FCF1: variants seen among roughly 807,000 people sequenced by gnomAD.
The protein encoded by FCF1 is FCF1 rRNA-processing protein.
A neutral mutation model predicts 32.5 loss-of-function variants in FCF1; 17 were observed. The observed-to-expected ratio is 0.52, with a 90% confidence interval of 0.36 to 0.78. FCF1 has a LOEUF of 0.78. FCF1 is among the 30% of genes least tolerant of loss of function. FCF1 has a pLI of 0.00. For synonymous variants in FCF1, 84 were observed against 78.4 expected, an observed-to-expected ratio of 1.07 and a Z score of -0.38; for missense variants, 201 against 241.1, an observed-to-expected ratio of 0.83 and a Z score of 1.10.
chr14:74,719,641 T>C (rs145503462), intron 4 of FCF1, among the ~76,000 whole-genome samples: 76 of 148,092 alleles, frequency 5.1e-4, no homozygotes, highest in African/African-American at 1.8e-3. Flanking sequence ...GGAGCATGTC[T>C]ATGGTCCCAG....
chr14:74,734,171 G>C lies in FCF1; in HGVS notation c.548+1G>C. 1 of 1,590,546 alleles carries C rather than the reference G, an allele frequency of 6.3e-7. No homozygotes were observed. The highest frequency in any genetic ancestry group is 8.6e-7 in the Non-Finnish European group (1 of 1,158,920). On this transcript the variant is annotated splice_donor_variant, in intron 7 of 7. Coordinates refer to ENST00000341162, the MANE Select transcript of FCF1 (RefSeq NM_015962.5). LOFTEE classifies it high-confidence loss of function. ...CTATCATGTACATTTCTAACCATAG[G>C]TGAGAAATTTCCCTTGGAGAAGGGA...
chr14:74,726,537 G>T (rs2140032946), intron 5 of FCF1, among the ~76,000 whole-genome samples: 1 of 151,468 alleles, frequency 6.6e-6, no homozygotes, highest in South Asian at 2.1e-4. Context: ...TACTTGGGAG[G>T]CTGAGGCAGA....
intron 5 of FCF1, among the ~76,000 whole-genome samples, chr14:74,729,393 G>A (rs1438276851): frequency 2.6e-5 from 4 of 152,064 alleles, no homozygotes; most frequent in Non-Finnish European, 4.4e-5. Context: ...TTTGCGTAGA[G>A]GTGTTTGTAG....
chr14:74,726,247 G>A (rs997424047), intron 5 of FCF1, among the ~76,000 whole-genome samples: 8 of 151,852 alleles, frequency 5.3e-5, no homozygotes, highest in African/African-American at 1.9e-4. Context: ...GCAGTATTGG[G>A]AGCCCGAAGC....
chr14:74,725,480 C>CA (rs35508938), intron 5 of FCF1, among the ~76,000 whole-genome samples: 535 of 40,020 alleles, frequency 0.013, 35 homozygotes, highest in Middle Eastern at 0.048. Flanking sequence ...ACCCTGTCTC[C>CA]AAAAAAAAAA....
intron 4 of FCF1, among the ~76,000 whole-genome samples, chr14:74,717,441 A>G (rs1219486262): frequency 6.6e-6 from 1 of 152,176 alleles, no homozygotes; most frequent in African/African-American, 2.4e-5. Flanking sequence ...AAATGGAGCT[A>G]ATGGAATAAA....
chr14:74,735,089 T>A lies in FCF1; in HGVS notation c.*159T>A. The A allele has an allele frequency of 1.8e-6, 1 of 542,144 alleles. No individual in the cohort carries two copies. The highest frequency in any genetic ancestry group is 3.3e-6 in the Non-Finnish European group (1 of 303,678). The allele number at this position is 542,144 out of a possible 1,614,324, so 33.6% of individuals were successfully genotyped here. A position where few individuals can be genotyped will look rare whatever the true frequency, so the allele number is the denominator to read the frequency against. On this transcript the variant is annotated 3_prime_UTR_variant, in exon 8 of 8. Transcript: ENST00000341162. ...GTGCACCAGCCCAGTCAGATTAACA[T>A]CCAAAGGACTGAACCCTGAACAGAG...
chr14:74,725,796 G>A (rs760291710), intron 5 of FCF1, among the ~76,000 whole-genome samples: 5 of 151,968 alleles, frequency 3.3e-5, no homozygotes, highest in South Asian at 2.1e-4. Flanking sequence ...TTAGCCAAGC[G>A]TGGTAGTGGG....
intron 4 of FCF1, 92 bp downstream of exon 4, chr14:74,716,191 A>G (rs1292846793): frequency 2.4e-6 from 3 of 1,240,148 alleles, no homozygotes; most frequent in Admixed American, 3.6e-5. Context: ...GGTTCTTGTT[A>G]ACTGAATTGC....
Position 74,736,561 on chromosome 14 carries a change from GA to G in FCF1, c.*1634del, listed in dbSNP as rs1333576466. ...TTTCAAAATTGATGTTCTCATCACA[GA>G]AATGTATTTGAAGTATTGCATATGT... On this transcript the variant is annotated 3_prime_UTR_variant, in exon 8 of 8. Transcript: ENST00000341162. The G allele has an allele frequency of 6.6e-6, 1 of 152,142 alleles. No homozygotes were observed. Among genetic ancestry groups the G allele is most frequent in the East Asian group, 1.9e-4 (1 of 5,206 alleles). The allele number at this position is 152,142 out of a possible 1,614,324, so 9.4% of individuals were successfully genotyped here.
intron 7 of FCF1, 152 bp downstream of exon 7, chr14:74,734,322 CA>C: frequency 1.8e-6 from 1 of 544,722 alleles, no homozygotes; most frequent in Admixed American, 3.1e-5. Flanking sequence ...AAAGCAAGAG[CA>C]AGAGCAAAAG....
At chr14:74,719,447 G>A (rs559397457) in intron 4 of FCF1, among the ~76,000 whole-genome samples, 8 of 151,488 alleles carry the variant, frequency 5.3e-5, no homozygotes, top group East Asian at 3.9e-4. Flanking sequence ...TGGTGTGACC[G>A]CATCTCTACA....
At chr14:74,722,789 T>A (rs1335274974) in intron 4 of FCF1, among the ~76,000 whole-genome samples, 1 of 151,500 alleles carries the variant, frequency 6.6e-6, no homozygotes, top group Non-Finnish European at 1.5e-5. Context: ...AATGTTTTTT[T>A]TTAATTAGCT....
intron 6 of FCF1, among the ~76,000 whole-genome samples, chr14:74,733,115 C>A (rs930513437): frequency 6.6e-6 from 1 of 152,164 alleles, no homozygotes; most frequent in African/African-American, 2.4e-5. Flanking sequence ...TTAACTGATT[C>A]TTTATCTCAC....
At chr14:74,716,168 A>G in intron 4 of FCF1, 69 bp downstream of exon 4, 1 of 1,469,558 alleles carries the variant, frequency 6.8e-7, no homozygotes, top group Non-Finnish European at 9.5e-7. Context: ...AATACATGAA[A>G]GGAGGGAGAT....
chr14:74,728,035 T>C (rs1255803743), intron 5 of FCF1, among the ~76,000 whole-genome samples: 2 of 152,112 alleles, frequency 1.3e-5, no homozygotes. Context: ...AGTCAGGTAG[T>C]GTGATGCCTC....
At chr14:74,715,689 A>G in intron 3 of FCF1, 1 of 574,318 alleles carries the variant, frequency 1.7e-6, no homozygotes, top group Non-Finnish European at 3.0e-6. Flanking sequence ...CTAGAGGAAG[A>G]GCTAGATTGG....
intron 4 of FCF1, 84 bp from the exon 5 acceptor site, chr14:74,723,188 T>C: frequency 1.0e-6 from 1 of 994,814 alleles, no homozygotes; most frequent in Non-Finnish European, 1.6e-6. Context: ...GTCCTGGGTC[T>C]TTTTAAAACT....
At chr14:74,730,369 T>C (rs1246823780) in intron 5 of FCF1, among the ~76,000 whole-genome samples, 5 of 151,902 alleles carry the variant, frequency 3.3e-5, no homozygotes, top group Admixed American at 3.3e-4. Flanking sequence ...CATACCACTA[T>C]GCATGTCTGA....
Sources: allele counts gnomAD v4.1 joint callset (sites outside exome capture counted in the v4.1 genomes callset), GRCh38; gene constraint gnomAD v4.1.1; transcripts MANE v1.5; gene names NCBI Gene and HGNC (gene_info 2026-07-23, HGNC 2026-07-21).